The following CUBN variants were observed in gnomAD, a reference collection of about 807,000 sequenced individuals.
CUBN encodes cubilin, also known as 460 kDa receptor.
CUBN carries 282 observed loss-of-function variants against 405.3 expected under a neutral mutation model. The ratio of observed to expected loss-of-function variants is 0.70; its 90% CI spans 0.63 to 0.77. CUBN has a LOEUF of 0.77. CUBN is among the 30% of genes least tolerant of loss of function. The pLI is 0.00. For synonymous variants in CUBN, 1,684 were observed against 1,617.0 expected (o/e 1.04, Z -0.99); for missense variants, 4,514 against 4,475.2 (o/e 1.01, Z -0.25).
At chr10:16,991,424 T>C (rs1030954394) in intron 28 of CUBN, among the ~76,000 whole-genome samples, 1 of 152,190 alleles carries the variant, frequency 6.6e-6, no homozygotes, top group Non-Finnish European at 1.5e-5. Flanking sequence ...ACTTCATTAC[T>C]ATACCGCACA....
chr10:16,907,371 A>G (rs1012632523), intron 49 of CUBN, 137 bp downstream of exon 49: 23 of 865,314 alleles, frequency 2.7e-5, no homozygotes, highest in Non-Finnish European at 3.7e-5. Flanking sequence ...TCATCTGCTT[A>G]TGTGTGTTTG....
At chr10:17,054,268 T>C (rs1588614160) in intron 22 of CUBN, among the ~76,000 whole-genome samples, 1 of 150,432 alleles carries the variant, frequency 6.6e-6, no homozygotes, top group Non-Finnish European at 1.5e-5. Context: ...GAGGCGGAGG[T>C]TGCAGTGAGC....
In CUBN at chr10:16,873,333, G is replaced by GA. The variant is rs1353407907; in HGVS notation, c.9236+1040dup. Among the ~76,000 whole-genome samples, 8 of 152,302 alleles carry GA rather than the reference G, an allele frequency of 5.3e-5. 1 individual carries two copies. In the East Asian group the frequency reaches 1.5e-3, roughly 29 times the overall value. On this transcript the variant is annotated intron_variant, in intron 58 of 66. Transcript: ENST00000377833. ...TGTTGGGAATAGGTAAGACTGGGAA[G>GA]AAAATTGACCAGTGACTCAAGCTAT...
chr10:17,068,551 C>G, intron 20 of CUBN, 54 bp downstream of exon 20: 2 of 1,421,078 alleles, frequency 1.4e-6, no homozygotes, highest in South Asian at 1.2e-5. Context: ...CTATCATTCA[C>G]TTATTCTGAT....
intron 27 of CUBN, among the ~76,000 whole-genome samples, chr10:17,035,053 T>C (rs1207960962): frequency 1.4e-5 from 2 of 146,542 alleles, no homozygotes; most frequent in Non-Finnish European, 3.0e-5. Context: ...GGATTCAAAC[T>C]TCAAAACAAG....
chr10:16,899,761 C>T (rs927188974), intron 53 of CUBN, among the ~76,000 whole-genome samples: 8 of 152,086 alleles, frequency 5.3e-5, no homozygotes, highest in African/African-American at 1.4e-4. Context: ...AGGCATTCTC[C>T]GAATCTTTTG....
intron 10 of CUBN, among the ~76,000 whole-genome samples, chr10:17,107,413 C>T (rs987961056): frequency 6.6e-6 from 1 of 151,892 alleles, no homozygotes; most frequent in African/African-American, 2.4e-5. Context: ...ATAGAAAAAC[C>T]CTGCTGAATA....
At chr10:17,036,056 A>G (rs982501426) in intron 27 of CUBN, among the ~76,000 whole-genome samples, 4 of 152,094 alleles carry the variant, frequency 2.6e-5, no homozygotes, top group Non-Finnish European at 4.4e-5. Context: ...AGCGGAATCT[A>G]TGCCCCTGCT....
intron 60 of CUBN, among the ~76,000 whole-genome samples, chr10:16,850,539 T>G (rs1208515864): frequency 6.6e-6 from 1 of 152,224 alleles, no homozygotes; most frequent in Non-Finnish European, 1.5e-5. Context: ...TGGCGAGATC[T>G]CAGCTCACTG....
chr10:17,011,625 C>T (rs1003455531), intron 28 of CUBN, among the ~76,000 whole-genome samples: 2 of 152,064 alleles, frequency 1.3e-5, no homozygotes, highest in African/African-American at 4.8e-5. Context: ...CTCGGGTGGC[C>T]AGCTTTTATT....
chr10:17,039,313 A>G (rs1564490460), intron 27 of CUBN, among the ~76,000 whole-genome samples: 1 of 152,188 alleles, frequency 6.6e-6, no homozygotes. Context: ...AATCTTTCTC[A>G]TTCATTAGTA....
At chr10:16,890,992 T>C (rs1840988772) in intron 54 of CUBN, among the ~76,000 whole-genome samples, 1 of 152,172 alleles carries the variant, frequency 6.6e-6, no homozygotes, top group African/African-American at 2.4e-5. Flanking sequence ...ATTCCAAGTA[T>C]ACGTATAATC....
chr10:17,068,907 A>AC (rs1835674401), intron 19 of CUBN, 137 bp from the exon 20 acceptor site: 6 of 739,728 alleles, frequency 8.1e-6, no homozygotes, highest in Admixed American at 2.4e-5. Flanking sequence ...CATTTTAGTC[A>AC]CCCCCCAAAA....
In CUBN at chr10:16,932,091, A is replaced by C. The variant is rs543585175; in HGVS notation, c.6124+996T>G. On this transcript the variant is annotated intron_variant, in intron 40 of 66. Transcript: ENST00000377833. Reference sequence around the variant, plus strand: ...TGATAGCCGATTGCTGATGGGAAAAAGGGGGAGTGTCATGCTTTGACATCT... The same window carrying C: ...TGATAGCCGATTGCTGATGGGAAAACGGGGGAGTGTCATGCTTTGACATCT... Among the ~76,000 whole-genome samples the C allele has an allele frequency of 2.0e-5, 3 of 152,260 alleles. No homozygotes were observed. The East Asian group carries it at 5.8e-4, about 29-fold the overall frequency.
chr10:16,842,769 C>T (rs1839392550), intron 60 of CUBN, among the ~76,000 whole-genome samples: 1 of 152,222 alleles, frequency 6.6e-6, no homozygotes, highest in African/African-American at 2.4e-5. Context: ...ATTCCAGCTC[C>T]CTCCCACAGT....
chr10:16,930,283 C>T (rs76554436), intron 40 of CUBN, among the ~76,000 whole-genome samples: 1 of 152,298 alleles, frequency 6.6e-6, no homozygotes, highest in East Asian at 1.9e-4. Context: ...CCTTTAAGTG[C>T]TTCACATGTA....
chr10:16,860,536 A>T (rs1342118035), intron 59 of CUBN, among the ~76,000 whole-genome samples: 1 of 152,238 alleles, frequency 6.6e-6, no homozygotes, highest in Non-Finnish European at 1.5e-5. Context: ...TAACTCTCTT[A>T]TCTGACTACC....
At chr10:16,881,584 A>AGTCTGCTT (rs1840667010) in intron 56 of CUBN, among the ~76,000 whole-genome samples, 1 of 152,250 alleles carries the variant, frequency 6.6e-6, no homozygotes, top group Non-Finnish European at 1.5e-5. Context: ...TATGTAAGAC[A>AGTCTGCTT]GTCTGCTTCT....
chr10:16,916,798 TTTTTC>T (rs1564422395), intron 45 of CUBN, among the ~76,000 whole-genome samples: 1 of 151,720 alleles, frequency 6.6e-6, no homozygotes, highest in Non-Finnish European at 1.5e-5. Flanking sequence ...TTGCTTTCTT[TTTTTC>T]TTTTCTTTTT....
Sources: gnomAD v4.1 joint callset for allele counts (sites outside exome capture counted in the v4.1 genomes callset) on GRCh38, gnomAD v4.1.1 for gene constraint, MANE v1.5 for transcripts, NCBI Gene and HGNC (gene_info 2026-07-23, HGNC 2026-07-21) for gene names.